CDK6: variants seen among roughly 807,000 people sequenced by gnomAD.
CDK6 encodes the protein cyclin-dependent kinase 6.
A neutral mutation model predicts 37.1 loss-of-function variants in CDK6; 6 were observed. The observed-to-expected ratio is 0.16, with a 90% CI of 0.09 to 0.32. The LOEUF is 0.32. CDK6 is among the 10% of genes least tolerant of loss of function. CDK6 has a pLI of 1.00. For missense variants in CDK6, 224 were observed against 418.9 expected, an observed-to-expected ratio of 0.53 and a Z score of 4.06; for synonymous variants, 160 against 161.3, an observed-to-expected ratio of 0.99 and a Z score of 0.06.
chr7:92,701,746 T>C (rs1797852004), intron 4 of CDK6: 1 of 152,450 alleles, frequency 6.6e-6, no homozygotes, highest in African/African-American at 2.4e-5. Context: ...GTGTCATCCT[T>C]GCGCAGGGGC....
intron 4 of CDK6, chr7:92,711,011 A>T: frequency 5.0e-6 from 1 of 198,256 alleles, no homozygotes; most frequent in Non-Finnish European, 9.1e-6. Flanking sequence ...TCTCACATTC[A>T]GTTAAGGAGT....
intron 4 of CDK6, among the ~76,000 whole-genome samples, chr7:92,694,538 C>T (rs1427886946): frequency 6.6e-6 from 1 of 152,046 alleles, no homozygotes; most frequent in Non-Finnish European, 1.5e-5. Context: ...ATTGGAATTC[C>T]AGAAGAGCCT....
chr7:92,620,038 T>TG, intron 6 of CDK6, among the ~76,000 whole-genome samples: 1 of 152,180 alleles, frequency 6.6e-6, no homozygotes, highest in East Asian at 1.9e-4. Context: ...CAGGTCTATG[T>TG]GTATCAATAT....
chr7:92,730,869 T>G lies in CDK6; in HGVS notation c.370-5076A>C, dbSNP rs148691116. On this transcript the variant is annotated intron_variant, in intron 3 of 7. Coordinates refer to ENST00000424848, the MANE Select transcript of CDK6 (RefSeq NM_001145306.2). The stretch of plus-strand genomic sequence containing the variant: ...AGGTGTAGAATGATCTCTTTGTGAC[T>G]CTGCTTTCAATTTTTTTGGATATAT... 9.1e-4 allele frequency among the ~76,000 whole-genome samples: 138 copies of G among 152,340 alleles called. 1 individual carries two copies. Among genetic ancestry groups the G allele is most frequent in the African/African-American group, 3.2e-3 (134 of 41,584 alleles).
chr7:92,628,969 G>C (rs1795992611), intron 5 of CDK6, among the ~76,000 whole-genome samples: 1 of 152,090 alleles, frequency 6.6e-6, no homozygotes, highest in Non-Finnish European at 1.5e-5. Context: ...TTGAGAAAAA[G>C]TGTAGCAAAG....
intron 4 of CDK6, among the ~76,000 whole-genome samples, chr7:92,724,764 T>C (rs1038393974): frequency 4.6e-5 from 7 of 152,198 alleles, no homozygotes; most frequent in African/African-American, 1.7e-4. Context: ...AGATATTTTC[T>C]TTTTTAAAAT....
intron 5 of CDK6, among the ~76,000 whole-genome samples, chr7:92,626,266 G>A (rs1795925953): frequency 6.6e-6 from 1 of 151,958 alleles, no homozygotes; most frequent in Non-Finnish European, 1.5e-5. Context: ...TATAATGTAT[G>A]TAATATACAT....
intron 3 of CDK6, among the ~76,000 whole-genome samples, chr7:92,740,974 T>A (rs1798910683): frequency 6.6e-6 from 1 of 152,186 alleles, no homozygotes; most frequent in African/African-American, 2.4e-5. Context: ...AACCTTGTAA[T>A]TCAACTTCTA....
At chr7:92,629,542 A>G (rs1421488701) in intron 5 of CDK6, among the ~76,000 whole-genome samples, 1 of 152,142 alleles carries the variant, frequency 6.6e-6, no homozygotes, top group African/African-American at 2.4e-5. Flanking sequence ...ATAAATTAAT[A>G]TATTTACTGA....
chr7:92,776,685 G>T (rs1378156067), intron 2 of CDK6, among the ~76,000 whole-genome samples: 2 of 152,024 alleles, frequency 1.3e-5, no homozygotes, highest in Non-Finnish European at 2.9e-5. Context: ...TTTTTCATAT[G>T]TTTGTTGGCC....
At chr7:92,774,900 T>C in intron 2 of CDK6, 69 bp from the exon 3 acceptor site, 2 of 1,453,248 alleles carry the variant, frequency 1.4e-6, no homozygotes, top group Non-Finnish European at 1.9e-6. Context: ...GTTTTATACA[T>C]ATCGCTCAAT....
intron 2 of CDK6, among the ~76,000 whole-genome samples, chr7:92,789,600 G>A (rs527549447): frequency 3.9e-5 from 6 of 152,280 alleles, no homozygotes; most frequent in African/African-American, 9.6e-5. Flanking sequence ...ATAAGTTGAA[G>A]ATGTTAATTG....
chr7:92,716,969 T>C (rs536823539), intron 4 of CDK6, among the ~76,000 whole-genome samples: 2 of 152,324 alleles, frequency 1.3e-5, no homozygotes, highest in Admixed American at 6.5e-5. Flanking sequence ...TATGGTCTCA[T>C]TAATCTTAAG....
At chr7:92,725,236 A>G (rs536930078) in intron 4 of CDK6, 1 of 985,380 alleles carries the variant, frequency 1.0e-6, no homozygotes, top group Non-Finnish European at 1.2e-6. Context: ...GTTTCTCAAA[A>G]CCATGATGCT....
intron 4 of CDK6, among the ~76,000 whole-genome samples, chr7:92,723,948 G>A (rs1291903933): frequency 1.3e-5 from 2 of 151,610 alleles, no homozygotes; most frequent in Non-Finnish European, 2.9e-5. Flanking sequence ...AACCAACTGG[G>A]TTTCCTGTTT....
intron 5 of CDK6, among the ~76,000 whole-genome samples, chr7:92,658,352 C>CA (rs1172814164): frequency 1.3e-5 from 2 of 151,700 alleles, no homozygotes; most frequent in African/African-American, 4.8e-5. Flanking sequence ...ATTTTTTGAC[C>CA]AAAAAACCCC....
Position 92,677,880 on chromosome 7 carries a change from T to C in CDK6, c.538-6345A>G, listed in dbSNP as rs552579356. 2.0e-4 allele frequency among the ~76,000 whole-genome samples: 30 copies of C among 152,312 alleles called. 1 individual carries two copies. The highest frequency in any genetic ancestry group is 3.4e-3 in the Middle Eastern group (1 of 294). ...TACTGCAACTAAATCTGGATCCAAG[T>C]TTTTGAGAACAAATTGCAACAAATT... On this transcript the variant is annotated intron_variant, in intron 4 of 7. Coordinates refer to ENST00000424848, the MANE Select transcript of CDK6 (RefSeq NM_001145306.2).
intron 2 of CDK6, among the ~76,000 whole-genome samples, chr7:92,781,138 A>C (rs1799980604): frequency 6.6e-6 from 1 of 152,250 alleles, no homozygotes; most frequent in African/African-American, 2.4e-5. Context: ...GCATTAACTA[A>C]GGCTATGCCT....
intron 4 of CDK6, among the ~76,000 whole-genome samples, chr7:92,693,340 C>A (rs1252079997): frequency 6.6e-6 from 1 of 152,104 alleles, no homozygotes; most frequent in African/African-American, 2.4e-5. Context: ...ATCAGCACTC[C>A]CTCCCAGCCC....
Sources: allele counts gnomAD v4.1 joint callset (sites outside exome capture counted in the v4.1 genomes callset), GRCh38; gene constraint gnomAD v4.1.1; transcripts MANE v1.5; gene names NCBI Gene and HGNC (gene_info 2026-07-23, HGNC 2026-07-21).